The following BNC2 variants were observed in gnomAD, a reference collection of about 807,000 sequenced individuals.
BNC2 encodes basonuclin zinc finger protein 2.
Under a neutral mutation model 76.3 loss-of-function variants are expected in BNC2, and 20 were observed. The observed-to-expected ratio is 0.26, with a 90% CI of 0.18 to 0.38. The LOEUF (loss-of-function observed/expected upper bound fraction) is 0.38, where lower values mean the gene tolerates loss of function less well. Ranked by LOEUF, BNC2 falls within the 10% of genes least tolerant of loss-of-function variation. BNC2 has a pLI of 1.00. For missense variants in BNC2, 1,382 were observed against 1,399.8 expected (o/e 0.99, Z 0.20); for synonymous variants, 582 against 514.8 (o/e 1.13, Z -1.77).
intron 5 of BNC2, among the ~76,000 whole-genome samples, chr9:16,443,247 TG>T (rs146307408): frequency 0.011 from 1,698 of 152,260 alleles, 28 homozygotes; most frequent in African/African-American, 0.039. Context: ...GACACTGACC[TG>T]TAGGGACTGC....
At chr9:16,639,525 C>T (rs183130292) in intron 3 of BNC2, among the ~76,000 whole-genome samples, 20 of 152,186 alleles carry the variant, frequency 1.3e-4, no homozygotes, top group East Asian at 9.7e-4. Context: ...AGTGCCTCTT[C>T]GTTAATTCTC....
intron 5 of BNC2, among the ~76,000 whole-genome samples, chr9:16,471,558 C>T (rs528045285): frequency 6.6e-6 from 1 of 152,258 alleles, no homozygotes; most frequent in African/African-American, 2.4e-5. Context: ...ACCCAAAGTG[C>T]CAGGATTACA....
rs576198697 is a variant in BNC2, at chr9:16,448,589, G to A, written c.670-11065C>T. ...TTTAACATATTCATTAGGATGTGAGGGAGCAGGGCGAGAAAGGGATGGAAT... is the reference window on the plus strand; with the variant it reads ...TTTAACATATTCATTAGGATGTGAGAGAGCAGGGCGAGAAAGGGATGGAAT... On this transcript the variant is annotated intron_variant, in intron 5 of 6. Transcript: ENST00000380672. Among the ~76,000 whole-genome samples, 8 of 152,260 alleles carry A rather than the reference G, an allele frequency of 5.3e-5. No homozygotes were observed. In the South Asian group the frequency reaches 1.7e-3, roughly 32 times the overall value.
intron 1 of BNC2, among the ~76,000 whole-genome samples, chr9:16,780,792 G>A (rs562881489): frequency 1.8e-4 from 27 of 152,164 alleles, no homozygotes; most frequent in African/African-American, 6.5e-4. Flanking sequence ...GTGGCTTCTA[G>A]TATTAAGATA....
chr9:16,535,831 C>G (rs1818114308), intron 5 of BNC2, among the ~76,000 whole-genome samples: 1 of 152,120 alleles, frequency 6.6e-6, no homozygotes, highest in Non-Finnish European at 1.5e-5. Flanking sequence ...CAAGTAGACA[C>G]TTTAGAAGTG....
intron 5 of BNC2, among the ~76,000 whole-genome samples, chr9:16,495,694 A>G (rs939995623): frequency 3.3e-5 from 5 of 152,182 alleles, no homozygotes; most frequent in Non-Finnish European, 1.5e-5. Flanking sequence ...AAGGCTCAAC[A>G]TGAGCTTGCT....
chr9:16,538,779 T>C (rs879383706), intron 5 of BNC2, among the ~76,000 whole-genome samples: 7 of 152,194 alleles, frequency 4.6e-5, no homozygotes, highest in Admixed American at 3.3e-4. Context: ...ATTAATATTA[T>C]TAAAATACAA....
chr9:16,803,125 A>T (rs1817823466), intron 1 of BNC2, among the ~76,000 whole-genome samples: 1 of 152,174 alleles, frequency 6.6e-6, no homozygotes, highest in Non-Finnish European at 1.5e-5. Flanking sequence ...TTGCAGAAGG[A>T]CCCAGAATGA....
intron 1 of BNC2, among the ~76,000 whole-genome samples, chr9:16,777,429 G>T (rs1015534772): frequency 6.6e-6 from 1 of 152,048 alleles, no homozygotes; most frequent in South Asian, 2.1e-4. Context: ...GGCTGGACAC[G>T]GTGGCTCACG....
chr9:16,636,144 G>GAC (rs548766189), intron 3 of BNC2, among the ~76,000 whole-genome samples: 240 of 152,148 alleles, frequency 1.6e-3, no homozygotes, highest in African/African-American at 5.5e-3. Context: ...TGAACCAGCA[G>GAC]ACACTCAAAG....
rs560985936 is a variant in BNC2 at position 16,823,854 on chromosome 9, C to T, written c.3+46792G>A. ...ACTGACTTTCTCTAAAGGTCTTTTT[C>T]CTTCTCTGTGGAGGTGATTTTGAAA... On this transcript the variant is annotated intron_variant, in intron 1 of 6. Transcript: ENST00000380672. 2.0e-4 allele frequency among the ~76,000 whole-genome samples: 31 copies of T among 152,174 alleles called. No homozygotes were observed. In the East Asian group the frequency reaches 4.8e-3, roughly 24 times the overall value.
At chr9:16,578,141 T>G (rs1224469766) in intron 4 of BNC2, among the ~76,000 whole-genome samples, 1 of 152,136 alleles carries the variant, frequency 6.6e-6, no homozygotes, top group East Asian at 1.9e-4. Context: ...TCTAAATGAA[T>G]TACCTCTGTA....
At chr9:16,559,277 C>G (rs1467719486) in intron 4 of BNC2, among the ~76,000 whole-genome samples, 1 of 150,924 alleles carries the variant, frequency 6.6e-6, no homozygotes. Flanking sequence ...TTTTTTTTTG[C>G]CATTTATTTT....
intron 3 of BNC2, among the ~76,000 whole-genome samples, chr9:16,594,703 T>C (rs936106762): frequency 1.3e-5 from 2 of 152,152 alleles, no homozygotes; most frequent in African/African-American, 4.8e-5. Context: ...CATTCTTGTA[T>C]TTAATCATCA....
chr9:16,623,366 G>A (rs930075102), intron 3 of BNC2, among the ~76,000 whole-genome samples: 1 of 152,074 alleles, frequency 6.6e-6, no homozygotes. Context: ...AGAAAAGAGA[G>A]ATCAATAAAT....
chr9:16,779,839 T>G (rs1009967819), intron 1 of BNC2, among the ~76,000 whole-genome samples: 1 of 152,040 alleles, frequency 6.6e-6, no homozygotes, highest in African/African-American at 2.4e-5. Context: ...GGCAGTGTTG[T>G]GGGGGGGCCA....
chr9:16,755,298 G>A (rs753373544), intron 1 of BNC2, among the ~76,000 whole-genome samples: 1 of 152,138 alleles, frequency 6.6e-6, no homozygotes, highest in Non-Finnish European at 1.5e-5. Flanking sequence ...GGGGACTGAA[G>A]AGAATGCATA....
intron 5 of BNC2, among the ~76,000 whole-genome samples, chr9:16,438,095 T>C (rs186827938): frequency 6.5e-4 from 99 of 152,140 alleles, no homozygotes; most frequent in African/African-American, 2.3e-3. Context: ...TCATACCTTG[T>C]TACTAAACTG....
rs114191869 is a variant in BNC2 at position 16,427,055 on chromosome 9, T to A, written c.2640-7406A>T. On this transcript the variant is annotated intron_variant, in intron 6 of 6. Coordinates refer to ENST00000380672, the MANE Select transcript of BNC2 (RefSeq NM_017637.6). The stretch of plus-strand genomic sequence containing the variant: ...AGCATTAGCAACTGTTCCAGCCTGG[T>A]GCTTATATCTCATTTGAAACATCTC... Among the ~76,000 whole-genome samples, 628 of 152,332 alleles carry A rather than the reference T, an allele frequency of 4.1e-3. 1 individual carries two copies. The highest frequency in any genetic ancestry group is 0.02 in the Middle Eastern group (6 of 294).
Sources: allele counts gnomAD v4.1 joint callset (sites outside exome capture counted in the v4.1 genomes callset), GRCh38; gene constraint gnomAD v4.1.1; transcripts MANE v1.5; gene names NCBI Gene and HGNC (gene_info 2026-07-23, HGNC 2026-07-21).